The following TRPM3 variants were observed in gnomAD, a reference collection of about 807,000 sequenced individuals.
TRPM3 encodes long transient receptor potential channel 3.
Under a neutral mutation model 181.2 loss-of-function variants are expected in TRPM3, and 77 were observed. The ratio of observed to expected loss-of-function variants is 0.42; its 90% confidence interval spans 0.35 to 0.51. The LOEUF is 0.51. Among genes scored for constraint, TRPM3 ranks in the 20% least tolerant of loss-of-function variants. The pLI is 0.01. For synonymous variants in TRPM3, 745 were observed against 796.4 expected (o/e 0.94, Z 1.09); for missense variants, 1,759 against 2,196.7 (o/e 0.80, Z 3.98).
chr9:70,667,348 G>T (rs980346066), intron 9 of TRPM3, among the ~76,000 whole-genome samples: 4 of 152,126 alleles, frequency 2.6e-5, no homozygotes, highest in African/African-American at 9.7e-5. Flanking sequence ...TACAGAAAAG[G>T]CTCCTTCCAG....
Position 70,536,036 on chromosome 9 carries a change from G to T in TRPM3, c.5077C>A (p.Pro1693Thr). The change falls in exon 26 of 26, where the codon CCG (proline) becomes ACG (threonine). Residue 1693 changes from proline (P) to threonine (T), a missense_variant. Physicochemically the swap from Pro to Thr is conservative, Grantham distance 38. Around this residue, in one of 8 missense-constraint regions of TRPM3, gnomAD observed 612 missense variants for 590.0 expected, o/e 1.04. Transcript: ENST00000677713. ...NPFQRSKSSK[P>T]EGRGDSLSMR... The stretch of plus-strand genomic sequence containing the variant: ...GACAGGCTGTCCCCTCGGCCCTCCG[G>T]CTTGGAGGACTTGCTTCTCTGGAAG... 1 of 1,614,162 alleles carries T rather than the reference G, an allele frequency of 6.2e-7. No homozygotes were observed. Among genetic ancestry groups the T allele is most frequent in the Admixed American group, 1.7e-5 (1 of 60,038 alleles).
intron 9 of TRPM3, among the ~76,000 whole-genome samples, chr9:70,651,210 T>C (rs974797000): frequency 6.6e-6 from 1 of 152,232 alleles, no homozygotes; most frequent in African/African-American, 2.4e-5. Context: ...TTAATGTTTT[T>C]GAAACTTAGA....
At chr9:71,123,529 T>C (rs2073853946), upstream of TRPM3, among the ~76,000 whole-genome samples, 2 of 152,194 alleles carry the variant, frequency 1.3e-5, no homozygotes, top group Admixed American at 1.3e-4. Context: ...CCATGATCCA[T>C]CTTCTGGGTA....
chr9:71,268,905 C>T (rs934755238), intron 1 of TRPM3, among the ~76,000 whole-genome samples: 29 of 152,042 alleles, frequency 1.9e-4, no homozygotes, highest in African/African-American at 6.5e-4. Context: ...TTGCACTAAA[C>T]TTTGACAAAG....
chr9:71,239,281 C>G (rs747448861), intron 1 of TRPM3, among the ~76,000 whole-genome samples: 1 of 152,124 alleles, frequency 6.6e-6, no homozygotes, highest in African/African-American at 2.4e-5. Flanking sequence ...CACTTCAAAA[C>G]TCATAGTTCC....
intron 22 of TRPM3, among the ~76,000 whole-genome samples, chr9:70,561,326 C>T (rs1040048948): frequency 3.3e-5 from 5 of 152,192 alleles, no homozygotes; most frequent in Non-Finnish European, 5.9e-5. Flanking sequence ...ATTTAGATAA[C>T]GCTGCCCTTT....
chr9:71,016,793 A>G (rs1016983591), intron 1 of TRPM3, among the ~76,000 whole-genome samples: 1 of 151,938 alleles, frequency 6.6e-6, no homozygotes, highest in East Asian at 1.9e-4. Flanking sequence ...TGGTAATTCT[A>G]TTTTTAATTT....
At position 70,616,743 on chromosome 9, in the gene TRPM3, C is replaced by T. The variant is rs899755615; in HGVS notation, c.2359-668G>A. 2.0e-5 allele frequency among the ~76,000 whole-genome samples: 3 copies of T among 152,018 alleles called. No homozygotes were observed. In the South Asian group the frequency reaches 6.2e-4, roughly 32 times the overall value. ...TGGGCTCCGTATGTGCTGAGAGAGTCCCCTTACACACAAGCCCCAGGAGAA... is the reference window on the plus strand; with the variant it reads ...TGGGCTCCGTATGTGCTGAGAGAGTTCCCTTACACACAAGCCCCAGGAGAA... On this transcript the variant is annotated intron_variant, in intron 17 of 25. Coordinates refer to ENST00000677713, the MANE Select transcript of TRPM3 (RefSeq NM_001366145.2).
intron 1 of TRPM3, among the ~76,000 whole-genome samples, chr9:71,268,525 A>G (rs1374857848): frequency 1.3e-5 from 2 of 152,054 alleles, no homozygotes; most frequent in Non-Finnish European, 2.9e-5. Context: ...GTTTGTGGCA[A>G]TAGGAGCTAG....
At chr9:70,941,193 T>C (rs1331714485) in intron 1 of TRPM3, among the ~76,000 whole-genome samples, 2 of 152,146 alleles carry the variant, frequency 1.3e-5, no homozygotes, top group Non-Finnish European at 2.9e-5. Context: ...GACCCACCCT[T>C]AATCTGGGTG....
In TRPM3 at chr9:70,916,180, CT is replaced by C. The variant is rs1276524964; in HGVS notation, c.178-51670del. ...TTCAAACATGAAGGGGAAATAAAGA[CT>C]TTTTCAGACAAATGAAAGCTGAGGG... On this transcript the variant is annotated intron_variant, in intron 1 of 25. Coordinates refer to ENST00000677713, the MANE Select transcript of TRPM3 (RefSeq NM_001366145.2). Among the ~76,000 whole-genome samples the C allele has an allele frequency of 2.0e-5, 3 of 152,096 alleles. No homozygotes were observed. The East Asian group carries it at 5.8e-4, about 29-fold the overall frequency.
chr9:70,593,948 ATG>A (rs1196740981), intron 21 of TRPM3, among the ~76,000 whole-genome samples: 1 of 147,478 alleles, frequency 6.8e-6, no homozygotes, highest in East Asian at 1.9e-4. Flanking sequence ...ATAATATATA[ATG>A]TGTATATAAT....
chr9:71,128,676 T>A (rs2074199138), intron 1 of TRPM3, among the ~76,000 whole-genome samples: 1 of 152,204 alleles, frequency 6.6e-6, no homozygotes, highest in Non-Finnish European at 1.5e-5. Context: ...AGCCATAAAT[T>A]TGACCAACTT....
chr9:70,797,725 C>T (rs974430730), intron 6 of TRPM3, among the ~76,000 whole-genome samples: 5 of 152,172 alleles, frequency 3.3e-5, no homozygotes, highest in African/African-American at 7.2e-5. Flanking sequence ...CTTGGCCACC[C>T]GGTGAATTTG....
rs150677385 is a variant in TRPM3, at chr9:71,230,079, A to T, written c.183+216574T>A. Among the ~76,000 whole-genome samples the T allele has an allele frequency of 5.2e-3, 791 of 152,298 alleles. 20 individuals carry two copies. The highest frequency in any genetic ancestry group is 0.039 in the Admixed American group (589 of 15,290). ...AAAATGTGGTACCTATATACAATGG[A>T]GTATTATTATACAATGGAGGCATAA... On this transcript the variant is annotated intron_variant, in intron 1 of 24. Coordinates refer to the TRPM3 transcript ENST00000357533.
chr9:70,937,148 T>C (rs1050744352), intron 1 of TRPM3, among the ~76,000 whole-genome samples: 3 of 152,174 alleles, frequency 2.0e-5, no homozygotes, highest in Non-Finnish European at 4.4e-5. Context: ...TAACTTCTTT[T>C]CATAATTGTA....
chr9:71,052,824 C>T (rs1411841596), intron 1 of TRPM3, among the ~76,000 whole-genome samples: 1 of 152,028 alleles, frequency 6.6e-6, no homozygotes, highest in African/African-American at 2.4e-5. Context: ...GCGTATCTCA[C>T]TTTCACCAAG....
intron 1 of TRPM3, among the ~76,000 whole-genome samples, chr9:70,898,786 A>G (rs984066289): frequency 2.0e-5 from 3 of 151,402 alleles, no homozygotes; most frequent in Non-Finnish European, 4.4e-5. Flanking sequence ...AGAAAAGAAA[A>G]GAAAGAAAAA....
At chr9:71,158,355 C>G (rs530796417) in intron 1 of TRPM3, among the ~76,000 whole-genome samples, 21 of 152,270 alleles carry the variant, frequency 1.4e-4, no homozygotes, top group African/African-American at 4.6e-4. Flanking sequence ...TACAACACTT[C>G]TAAACCCATA....
Sources: allele counts gnomAD v4.1 joint callset (sites outside exome capture counted in the v4.1 genomes callset), GRCh38; gene constraint gnomAD v4.1.1; regional missense constraint gnomAD v4.1.1; transcripts MANE v1.5; gene names NCBI Gene and HGNC (gene_info 2026-07-23, HGNC 2026-07-21).